TNRC6C: variants seen among roughly 807,000 people sequenced by gnomAD.
TNRC6C encodes trinucleotide repeat-containing gene 6C protein.
A neutral mutation model predicts 153.7 loss-of-function variants in TNRC6C; 20 were observed. The ratio of observed to expected loss-of-function variants is 0.13; its 90% confidence interval spans 0.09 to 0.19. TNRC6C has a LOEUF of 0.19. Ranked by LOEUF, TNRC6C falls within the 10% of genes least tolerant of loss-of-function variation. TNRC6C has a pLI of 1.00. For synonymous variants in TNRC6C, 811 were observed against 841.4 expected (o/e 0.96, Z 0.63); for missense variants, 1,987 against 2,172.0 (o/e 0.91, Z 1.69).
At chr17:77,987,736 C>T (rs117235367) in intron 1 of TNRC6C, among the ~76,000 whole-genome samples, 4,995 of 152,152 alleles carry the variant, frequency 0.033, 111 homozygotes, top group Admixed American at 0.058. Context: ...TGCAGTGGCG[C>T]GAGCACCATC....
chr17:78,039,298 T>G (rs1322471870), intron 2 of TNRC6C, among the ~76,000 whole-genome samples: 1 of 125,928 alleles, frequency 7.9e-6, no homozygotes, highest in Non-Finnish European at 1.7e-5. Context: ...AGAACAGCAA[T>G]TTCAAATCTT....
Position 78,083,186 on chromosome 17 carries a change from C to A in TNRC6C, c.3477+20C>A, listed in dbSNP as rs940560978. 8.1e-6 allele frequency: 13 copies of A among 1,613,008 alleles called. No homozygotes were observed. The African/African-American group carries it at 1.6e-4, about 20-fold the overall frequency. ...CAGCTGGTGAGTGGATAGACCCATGCAAGTTAGAGCACGCAGGCCGAGTGC... is the reference window on the plus strand; with the variant it reads ...CAGCTGGTGAGTGGATAGACCCATGAAAGTTAGAGCACGCAGGCCGAGTGC... On this transcript the variant is annotated intron_variant, in intron 11 of 19. Coordinates refer to ENST00000301624, the Ensembl canonical transcript of TNRC6C.
exon 3 of TNRC6C, chr17:78,050,058 C>A: frequency 6.2e-7 from 1 of 1,610,654 alleles, no homozygotes; most frequent in Non-Finnish European, 8.5e-7. Context: ...GCCACCCCAG[C>A]CGAAGCACCT....
Position 78,104,665 on chromosome 17 carries a change from C to T in TNRC6C, c.4893C>T (p.Gly1631=). 2 of 1,543,746 alleles carry T rather than the reference C, an allele frequency of 1.3e-6. No homozygotes were observed. Among genetic ancestry groups the T allele is most frequent in the Non-Finnish European group, 1.7e-6 (2 of 1,146,488 alleles). ...ATGGCCTGGTACGCAGCGACGCTGG[C>T]CACTGGAACGCCCCGTGCCTGGGTG... Residue 1631 remains glycine, a synonymous_variant, in exon 20 of 20, where the codon GGC becomes GGT. Coordinates refer to ENST00000301624, the Ensembl canonical transcript of TNRC6C. The surrounding 1 kb of genome is among the most constrained non-coding windows in gnomAD (Gnocchi z 6.2).
chr17:78,001,188 G>T (rs2071407095), upstream of TNRC6C, among the ~76,000 whole-genome samples: 1 of 152,254 alleles, frequency 6.6e-6, no homozygotes, highest in South Asian at 2.1e-4. Context: ...GAAAACCCAA[G>T]TTATTAAAAA....
intron 2 of TNRC6C, among the ~76,000 whole-genome samples, chr17:78,032,658 T>C (rs2072099659): frequency 6.6e-6 from 1 of 152,214 alleles, no homozygotes; most frequent in African/African-American, 2.4e-5. Context: ...TTAAGGTCTG[T>C]AATTAGATGT....
upstream of TNRC6C, among the ~76,000 whole-genome samples, chr17:78,003,275 A>G (rs1388260557): frequency 2.0e-5 from 3 of 152,234 alleles, no homozygotes; most frequent in Non-Finnish European, 2.9e-5. Flanking sequence ...CTGAACAGAC[A>G]ACCAAGGGTT....
intron 2 of TNRC6C, among the ~76,000 whole-genome samples, chr17:78,039,717 A>G (rs2072255382): frequency 6.6e-6 from 1 of 152,242 alleles, no homozygotes; most frequent in South Asian, 2.1e-4. Context: ...CATCCAGAGC[A>G]GACAGGGCAA....
At chr17:78,050,727 C>T (rs1206154379) in exon 3 of TNRC6C, 22 of 1,585,200 alleles carry the variant, frequency 1.4e-5, no homozygotes, top group African/African-American at 2.7e-5. Flanking sequence ...CCAAGAGTGG[C>T]CATGCTTGGA....
chr17:77,988,325 T>A (rs2071201603), intron 1 of TNRC6C, among the ~76,000 whole-genome samples: 3 of 152,280 alleles, frequency 2.0e-5, no homozygotes, highest in Admixed American at 1.3e-4. Flanking sequence ...TGAACTCTGA[T>A]AGCACCACTG....
upstream of TNRC6C, among the ~76,000 whole-genome samples, chr17:77,958,079 A>G (rs1055472712): frequency 6.6e-6 from 1 of 152,136 alleles, no homozygotes; most frequent in Admixed American, 6.5e-5. Context: ...CCAGGGCCCC[A>G]AGGACTCGTG....
upstream of TNRC6C, among the ~76,000 whole-genome samples, chr17:78,002,194 A>T (rs2071423214): frequency 6.6e-6 from 1 of 152,168 alleles, no homozygotes. Flanking sequence ...ATCAGAAAAT[A>T]AAGTTTTCCT....
At chr17:78,107,578 C>T (rs1449677236) in exon 20 of TNRC6C, 1 of 152,276 alleles carries the variant, frequency 6.6e-6, no homozygotes, top group Non-Finnish European at 1.5e-5. Context: ...AGCTCACATA[C>T]GTACCTCTCT....
At chr17:78,023,125 TA>T (rs941129642) in intron 1 of TNRC6C, among the ~76,000 whole-genome samples, 4 of 149,774 alleles carry the variant, frequency 2.7e-5, no homozygotes, top group South Asian at 4.2e-4. Flanking sequence ...ACTCCGTCTC[TA>T]AAAAAAAAAT....
Position 78,102,385 on chromosome 17 carries a change from C to T in TNRC6C, c.4502-89C>T. ...AGCACGCAGTGACGGCCTGTGCTGT[C>T]CCACACTTCAGCACAATAAGAAGTG... is the stretch of plus-strand genomic sequence containing the variant. On this transcript the variant is annotated intron_variant, in intron 17 of 19. Transcript: ENST00000301624. The T allele has an allele frequency of 2.4e-6, 3 of 1,231,592 alleles. No homozygotes were observed. The South Asian group carries it at 4.1e-5, about 17-fold the overall frequency. 76.3% of individuals were successfully genotyped at this position (1,231,592 alleles called of 1,614,324 possible). A position where few individuals can be genotyped will look rare whatever the true frequency, so the allele number is the denominator to read the frequency against.
intron 4 of TNRC6C, chr17:78,066,867 G>A (rs549022568): frequency 2.6e-5 from 4 of 152,166 alleles, no homozygotes; most frequent in Non-Finnish European, 4.4e-5. Flanking sequence ...TGTCACGAGT[G>A]GACAGGTTTG....
intron 10 of TNRC6C, among the ~76,000 whole-genome samples, chr17:78,082,084 A>T (rs1056502489): frequency 6.6e-6 from 1 of 150,842 alleles, no homozygotes; most frequent in East Asian, 1.9e-4. Context: ...TTATTGCAGG[A>T]TCTGGCCAGC....
At chr17:77,978,431 C>T (rs539006867) in intron 1 of TNRC6C, among the ~76,000 whole-genome samples, 1 of 152,212 alleles carries the variant, frequency 6.6e-6, no homozygotes, top group South Asian at 2.1e-4. Context: ...TAGCCAGTGT[C>T]AGACCAACCC....
chr17:78,070,942 C>G lies in TNRC6C; in HGVS notation c.2779-143C>G, dbSNP rs545195039. ...GCCACGAAATACTGTTAGGGAGTTT[C>G]TGGAATACAGCATTATTCAATGTTA... On this transcript the variant is annotated intron_variant, in intron 5 of 19. Transcript: ENST00000301624. 21 of 783,560 alleles carry G rather than the reference C, an allele frequency of 2.7e-5. No homozygotes were observed. In the South Asian group the frequency reaches 3.6e-4, roughly 13 times the overall value. 48.5% of individuals were successfully genotyped at this position (783,560 alleles called of 1,614,324 possible). A position where few individuals can be genotyped will look rare whatever the true frequency, so the allele number is the denominator to read the frequency against.
Sources: gnomAD v4.1 joint callset for allele counts (sites outside exome capture counted in the v4.1 genomes callset) on GRCh38, gnomAD v4.1.1 for gene constraint, Gnocchi (gnomAD v3.1) non-coding constraint, MANE v1.5 for transcripts, NCBI Gene and HGNC (gene_info 2026-07-23, HGNC 2026-07-21) for gene names.